The following TEKT4 variants were observed in gnomAD, a reference collection of about 807,000 sequenced individuals.
TEKT4 encodes tektin-4.
A neutral mutation model predicts 46.0 loss-of-function variants in TEKT4; 46 were observed. The observed-to-expected ratio is 1.00, with a 90% confidence interval of 0.79 to 1.28. TEKT4 has a LOEUF of 1.28. TEKT4 is among the 50% of genes most tolerant of loss of function. The probability of loss-of-function intolerance (pLI) is 0.00; values close to 1 mark genes in which losing one functional copy is unlikely to be tolerated. For synonymous variants in TEKT4, 325 were observed against 265.8 expected (o/e 1.22, Z -2.17); for missense variants, 790 against 622.9 (o/e 1.27, Z -2.85).
intron 4 of TEKT4, 62 bp downstream of exon 4, chr2:94,875,060 C>A (rs112920853): frequency 6.8e-7 from 1 of 1,472,900 alleles, no homozygotes; most frequent in African/African-American, 1.4e-5. Context: ...CCCTCAACAC[C>A]TTTCTCCTCT....
intron 3 of TEKT4, 65 bp from the exon 4 acceptor site, chr2:94,874,711 C>G: frequency 7.1e-7 from 1 of 1,416,410 alleles, no homozygotes; most frequent in Admixed American, 2.2e-5. Flanking sequence ...CATGGGGGCG[C>G]AGCAGGGCTC....
chr2:94,875,120 A>C (rs1282758588), intron 4 of TEKT4, 122 bp downstream of exon 4: 7 of 1,073,970 alleles, frequency 6.5e-6, no homozygotes, highest in Non-Finnish European at 9.2e-6. Flanking sequence ...CTCTCCGTAA[A>C]CCTATGTAAA....
chr2:94,872,144 C>T, intron 1 of TEKT4, 67 bp downstream of exon 1: 1 of 1,453,848 alleles, frequency 6.9e-7, no homozygotes, highest in Non-Finnish European at 9.1e-7. Context: ...CCCCGCAGTT[C>T]ATGTGGACAA....
chr2:94,875,486 T>G, intron 4 of TEKT4, 102 bp from the exon 5 acceptor site: 2 of 1,561,206 alleles, frequency 1.3e-6, no homozygotes, highest in East Asian at 4.5e-5. Context: ...AGGACTGCCC[T>G]CTGGACACAG....
At chr2:94,873,908 G>T (rs1196258115) in intron 2 of TEKT4, 57 bp from the exon 3 acceptor site, 1 of 1,604,630 alleles carries the variant, frequency 6.2e-7, no homozygotes, top group Admixed American at 1.7e-5. Flanking sequence ...AGCACAGAGG[G>T]TCCCCAGCAG....
intron 1 of TEKT4, 56 bp downstream of exon 1, chr2:94,872,133 C>CG (rs1428453362): frequency 2.0e-5 from 29 of 1,476,142 alleles, no homozygotes; most frequent in African/African-American, 1.1e-4. Flanking sequence ...GGAGCCCCCC[C>CG]CCCCGCAGTT....
In TEKT4 at chr2:94,876,368, G is replaced by A. The variant is rs190124939; in HGVS notation, c.1092-185G>A. Among the ~76,000 whole-genome samples, 8 of 152,256 alleles carry A rather than the reference G, an allele frequency of 5.3e-5. No individual in the cohort carries two copies. The East Asian group carries it at 1.2e-3, about 22-fold the overall frequency. On this transcript the variant is annotated intron_variant, in intron 5 of 5. Transcript: ENST00000295201. ...GTCACTCATTCCCACTCAGGCCCAC[G>A]CTCCCTGGGAGGACCCTCGTAATTT...
chr2:94,872,416 A>G, intron 1 of TEKT4: 1 of 427,908 alleles, frequency 2.3e-6, no homozygotes, highest in Non-Finnish European at 4.3e-6. Context: ...GTGGAAACCC[A>G]GGTCTGGGCC....
intron 1 of TEKT4, chr2:94,872,910 A>T: frequency 1.6e-6 from 2 of 1,289,380 alleles, no homozygotes; most frequent in Non-Finnish European, 1.0e-6. Context: ...ACTGATGGAG[A>T]CACTGACAGT....
chr2:94,871,732 C>T lies in TEKT4; in HGVS notation c.153C>T (p.Arg51=). 1.2e-6 allele frequency: 2 copies of T among 1,612,632 alleles called. No homozygotes were observed. The highest frequency in any genetic ancestry group is 1.7e-6 in the Non-Finnish European group (2 of 1,179,918). The change falls in exon 1 of 6, where the codon CGC becomes CGT. Residue 51 remains arginine (R), a synonymous_variant. Coordinates refer to ENST00000295201, the MANE Select transcript of TEKT4 (RefSeq NM_144705.4). ...LEEWFQNCYA[R]YHQAFADRDQ... The stretch of plus-strand genomic sequence containing the variant: ...AGTGGTTCCAGAACTGCTATGCTCG[C>T]TACCACCAGGCCTTCGCCGACCGCG...
chr2:94,875,517 C>T lies in TEKT4; in HGVS notation c.937-71C>T. On this transcript the variant is annotated intron_variant, in intron 4 of 5. Transcript: ENST00000295201. The stretch of plus-strand genomic sequence containing the variant: ...CACAGCCCCAAGACCTGGGTAGGAC[C>T]AGCCTGGTCTCGGCGTTCTATATAC... 3 of 1,593,926 alleles carry T rather than the reference C, an allele frequency of 1.9e-6. No homozygotes were observed. In the South Asian group the frequency reaches 3.5e-5, roughly 18 times the overall value.
chr2:94,873,053 G>T lies in TEKT4; in HGVS notation c.499-467G>T, dbSNP rs1325886832. ...GTTCCTACACACAGCAAATTAAACT[G>T]GCCAGGCAATAAGAAGAAACACAGG... is the stretch of plus-strand genomic sequence containing the variant. On this transcript the variant is annotated intron_variant, in intron 1 of 5. Coordinates refer to ENST00000295201, the MANE Select transcript of TEKT4 (RefSeq NM_144705.4). The T allele has an allele frequency of 4.7e-6, 6 of 1,280,234 alleles. No homozygotes were observed. The African/African-American group carries it at 7.6e-5, about 16-fold the overall frequency. The allele number at this position is 1,280,234 out of a possible 1,614,324, so 79.3% of individuals were successfully genotyped here. A position where few individuals can be genotyped will look rare whatever the true frequency, so the allele number is the denominator to read the frequency against.
At chr2:94,872,569 G>C in intron 1 of TEKT4, 1 of 319,290 alleles carries the variant, frequency 3.1e-6, no homozygotes, top group Non-Finnish European at 6.2e-6. Context: ...ATCCACCCCA[G>C]CTTGTCTGTG....
rs1558604245 is a variant in TEKT4 at position 94,872,117 on chromosome 2, A to G, written c.498+40A>G. The G allele has an allele frequency of 2.1e-5, 31 of 1,458,732 alleles. No homozygotes were observed. In the South Asian group the frequency reaches 3.1e-4, roughly 14 times the overall value. 90.4% of individuals were successfully genotyped at this position (1,458,732 alleles called of 1,614,324 possible). On this transcript the variant is annotated intron_variant, in intron 1 of 5. Coordinates refer to ENST00000295201, the MANE Select transcript of TEKT4 (RefSeq NM_144705.4). ...GGGTGGCCGGGATTTGTGGGCGCAG[A>G]GAGGAGGAGCCCCCCCCCCCGCAGT...
Position 94,873,608 on chromosome 2 carries a change from C to T in TEKT4, c.569+18C>T. On this transcript the variant is annotated intron_variant, in intron 2 of 5. Coordinates refer to ENST00000295201, the MANE Select transcript of TEKT4 (RefSeq NM_144705.4). The stretch of plus-strand genomic sequence containing the variant: ...CAGATCCGGTGGGTAGAGGGCTGCC[C>T]AAGGGATGATTCCTGACCCTACCCA... 6.2e-7 allele frequency: 1 copy of T among 1,613,492 alleles called. No individual in the cohort carries two copies. Among genetic ancestry groups the T allele is most frequent in the Non-Finnish European group, 8.5e-7 (1 of 1,179,940 alleles).
At chr2:94,872,173 G>C in intron 1 of TEKT4, 96 bp downstream of exon 1, 1 of 1,420,464 alleles carries the variant, frequency 7.0e-7, no homozygotes, top group Non-Finnish European at 9.3e-7. Flanking sequence ...GCTGCTGCAA[G>C]CACGCGGGAG....
At chr2:94,873,405 C>T in intron 1 of TEKT4, 115 bp from the exon 2 acceptor site, 1 of 1,567,262 alleles carries the variant, frequency 6.4e-7, no homozygotes, top group South Asian at 1.2e-5. Flanking sequence ...AGAGCTCAGG[C>T]CCGGCATTCA....
In TEKT4 at chr2:94,871,742, G is replaced by T. The variant is rs1680570127; in HGVS notation, c.163G>T (p.Ala55Ser). The change falls in exon 1 of 6, where the codon GCC (alanine) becomes TCC (serine). Residue 55 changes from alanine (A) to serine (S), a missense_variant. Ala to Ser is a moderately conservative substitution (Grantham distance 99). Coordinates refer to ENST00000295201, the MANE Select transcript of TEKT4 (RefSeq NM_144705.4). The stretch of plus-strand genomic sequence containing the variant: ...GAACTGCTATGCTCGCTACCACCAG[G>T]CCTTCGCCGACCGCGACCAGTCGGA... ...FQNCYARYHQ[A>S]FADRDQSERQ... 3 of 1,612,638 alleles carry T rather than the reference G, an allele frequency of 1.9e-6. No individual in the cohort carries two copies. Among genetic ancestry groups the T allele is most frequent in the South Asian group, 2.2e-5 (2 of 91,088 alleles).
chr2:94,872,963 G>C (rs1384002414), intron 1 of TEKT4: 2 of 1,289,292 alleles, frequency 1.6e-6, no homozygotes, highest in South Asian at 1.2e-5. Context: ...GCAGGACCCG[G>C]GCCCTGGCAC....
Sources: gnomAD v4.1 joint callset for allele counts (sites outside exome capture counted in the v4.1 genomes callset) on GRCh38, gnomAD v4.1.1 for gene constraint, MANE v1.5 for transcripts, NCBI Gene and HGNC (gene_info 2026-07-23, HGNC 2026-07-21) for gene names.